FAM151A: variants seen among roughly 807,000 people sequenced by gnomAD.
FAM151A encodes the protein family with sequence similarity 151 member A, also known as protein FAM151A.
A neutral mutation model predicts 40.4 loss-of-function variants in FAM151A; 41 were observed. The ratio of observed to expected loss-of-function variants is 1.01; its 90% CI spans 0.79 to 1.32. The LOEUF (loss-of-function observed/expected upper bound fraction) is 1.32. Among genes scored for constraint, FAM151A ranks in the 40% most tolerant of loss-of-function variants. FAM151A has a pLI of 0.00. For synonymous variants in FAM151A, 337 were observed against 312.5 expected, an observed-to-expected ratio of 1.08 and a Z score of -0.83; for missense variants, 740 against 740.4, an observed-to-expected ratio of 1.00 and a Z score of 0.01.
Position 54,616,145 on chromosome 1 carries a change from A to T in FAM151A, c.290T>A (p.Val97Asp), listed in dbSNP as rs1298935180. 1 of 1,614,142 alleles carries T rather than the reference A, an allele frequency of 6.2e-7. No individual in the cohort carries two copies. Among genetic ancestry groups the T allele is most frequent in the East Asian group, 2.2e-5 (1 of 44,874 alleles). ...NSNITVLEAD[V>D]NVEGLGTANE... ...GGCTGTGCCGAGCCCTTCTACATTG[A>T]CGTCAGCCTCCAGGACTGTGATGTT... The change falls in exon 3 of 8, where the codon GTC becomes GAC. Residue 97 changes from valine (V) to aspartate (D), a missense_variant. Physicochemically the swap from Val to Asp is radical, Grantham distance 152. Transcript: ENST00000302250.
Position 54,623,398 on chromosome 1 carries a change from C to G in FAM151A, c.-3G>C. On this transcript the variant is annotated 5_prime_UTR_variant, in exon 1 of 8. Transcript: ENST00000302250. The stretch of plus-strand genomic sequence containing the variant: ...GATAACTGCTCCCTGCAGACCATGG[C>G]GACGCTCTCTGGGGAATGCCCCCAA... The G allele has an allele frequency of 6.2e-7, 1 of 1,611,410 alleles. No homozygotes were observed. The highest frequency in any genetic ancestry group is 8.5e-7 in the Non-Finnish European group (1 of 1,177,800).
intron 2 of FAM151A, among the ~76,000 whole-genome samples, chr1:54,617,945 T>G (rs976740317): frequency 1.1e-4 from 16 of 151,870 alleles, no homozygotes; most frequent in Non-Finnish European, 2.4e-4. Flanking sequence ...CAGCCTTGTC[T>G]CGAACTCCTG....
chr1:54,609,873 C>G lies in FAM151A; in HGVS notation c.1153G>C (p.Val385Leu). The change falls in exon 8 of 8, where the codon GTT becomes CTT. Residue 385 changes from valine (V) to leucine (L), a missense_variant. Coordinates refer to ENST00000302250, the MANE Select transcript of FAM151A (RefSeq NM_176782.3). ...AGGATGTTGCCACTTGGAGTATGAA[C>G]AATGGGCACGGGGTTTTCAGCCACA... ...GTVAENPVPI[V>L]HTPSGNILTL... 1 of 1,613,684 alleles carries G rather than the reference C, an allele frequency of 6.2e-7. No individual in the cohort carries two copies. Among genetic ancestry groups the G allele is most frequent in the East Asian group, 2.2e-5 (1 of 44,864 alleles).
Position 54,609,537 on chromosome 1 carries a change from T to TATGCTA in FAM151A, c.1488_1489insTAGCAT (p.Asp496_Met497insTer), listed in dbSNP as rs1644085985. ...CAGAGCCCCTGGCACAACTCTAGCA[T>TATGCTA]ATCTGTGAGCAGCTGTTCCCTGTAG... On this transcript the variant is annotated stop_gained and inframe_insertion, in exon 8 of 8. Transcript: ENST00000302250. LOFTEE classifies it low-confidence loss of function (END_TRUNC). The TATGCTA allele has an allele frequency of 6.2e-7, 1 of 1,612,986 alleles. No homozygotes were observed. Among genetic ancestry groups the TATGCTA allele is most frequent in the Non-Finnish European group, 8.5e-7 (1 of 1,180,024 alleles).
chr1:54,611,331 C>T (rs1451887091), intron 6 of FAM151A, among the ~76,000 whole-genome samples: 1 of 151,990 alleles, frequency 6.6e-6, no homozygotes, highest in South Asian at 2.1e-4. Flanking sequence ...ACCCAGGAGG[C>T]GGAGGTTACA....
rs74071868 is a variant in FAM151A at position 54,614,014 on chromosome 1, C to T, written c.575+686G>A. Among the ~76,000 whole-genome samples, 1,280 of 152,306 alleles carry T rather than the reference C, an allele frequency of 8.4e-3. 16 individuals carry two copies. The highest frequency in any genetic ancestry group is 0.03 in the African/African-American group (1,229 of 41,552). ...CTACCTCATTCTCATAAGAGTTAAA[C>T]GGTGTTCTGCAAGTCAAGTGCTTAA... On this transcript the variant is annotated intron_variant, in intron 4 of 7. Coordinates refer to ENST00000302250, the MANE Select transcript of FAM151A (RefSeq NM_176782.3).
chr1:54,609,967 T>A (rs201214706), intron 7 of FAM151A, 26 bp from the exon 8 acceptor site: 3 of 1,587,594 alleles, frequency 1.9e-6, no homozygotes, highest in African/African-American at 2.7e-5. Context: ...GAGGCAACAG[T>A]GTTTAGGATT....
chr1:54,616,274 A>G, intron 2 of FAM151A, 102 bp from the exon 3 acceptor site: 1 of 1,038,972 alleles, frequency 9.6e-7, no homozygotes, highest in Non-Finnish European at 1.4e-6. Flanking sequence ...TGAGAAATAC[A>G]GAAAAGTGGA....
rs1024035724 is a variant in FAM151A, at chr1:54,609,770, G to A, written c.1256C>T (p.Ala419Val). 6.2e-7 allele frequency: 1 copy of A among 1,614,152 alleles called. No homozygotes were observed. The highest frequency in any genetic ancestry group is 1.7e-5 in the Admixed American group (1 of 60,038). Residue 419 changes from alanine to valine, a missense_variant, in exon 8 of 8, where the codon GCA becomes GTA. Ala to Val is a moderately conservative substitution (Grantham distance 64). Coordinates refer to ENST00000302250, the MANE Select transcript of FAM151A (RefSeq NM_176782.3). ...WGIHLQIAEP[A>V]ALRPSLALLA... is the part of the protein sequence containing the mutation. ...CAAGGCCAGGGATGGCCGGAGGGCT[G>A]CGGGCTCCGCTATTTGCAAATGGAT...
intron 2 of FAM151A, among the ~76,000 whole-genome samples, chr1:54,618,752 G>A (rs1342150505): frequency 1.3e-5 from 2 of 152,164 alleles, no homozygotes; most frequent in Non-Finnish European, 2.9e-5. Flanking sequence ...GGAGCTCGCG[G>A]TGGCTGTGTG....
In FAM151A at chr1:54,609,756, A is replaced by G; in HGVS notation, c.1270T>C (p.Ser424Pro). 1 of 1,614,174 alleles carries G rather than the reference A, an allele frequency of 6.2e-7. No homozygotes were observed. Among genetic ancestry groups the G allele is most frequent in the Non-Finnish European group, 8.5e-7 (1 of 1,180,022 alleles). ...QIAEPAALRP[S>P]LALLARLSSL... Reference sequence around the variant, plus strand: ...GAGAGGCGTGCCAGCAAGGCCAGGGATGGCCGGAGGGCTGCGGGCTCCGCT... The same window carrying G: ...GAGAGGCGTGCCAGCAAGGCCAGGGGTGGCCGGAGGGCTGCGGGCTCCGCT... Residue 424 changes from serine to proline, a missense_variant, in exon 8 of 8, where the codon TCC becomes CCC. Ser to Pro is a moderately conservative substitution (Grantham distance 74). Transcript: ENST00000302250.
chr1:54,618,845 T>G (rs962947069), intron 2 of FAM151A, among the ~76,000 whole-genome samples: 18 of 151,828 alleles, frequency 1.2e-4, no homozygotes, highest in Non-Finnish European at 2.2e-4. Flanking sequence ...TTATTTGATC[T>G]TTTTTTGCCT....
In FAM151A at chr1:54,612,478, G is replaced by T. The variant is rs1294024633; in HGVS notation, c.800+8C>A. 2 of 1,610,904 alleles carry T rather than the reference G, an allele frequency of 1.2e-6. No homozygotes were observed. Among genetic ancestry groups the T allele is most frequent in the Non-Finnish European group, 1.7e-6 (2 of 1,177,548 alleles). On this transcript the variant is annotated splice_region_variant and intron_variant, in intron 5 of 7. Coordinates refer to ENST00000302250, the MANE Select transcript of FAM151A (RefSeq NM_176782.3). Reference sequence around the variant, plus strand: ...CAGGAGGGTGGGGGTGGGTTTGGTGGTTTTCACCTCTCAGATTGGCTCAGC... The same window carrying T: ...CAGGAGGGTGGGGGTGGGTTTGGTGTTTTTCACCTCTCAGATTGGCTCAGC...
In FAM151A at chr1:54,623,285, C is replaced by T; in HGVS notation, c.111G>A (p.Arg37=). The T allele has an allele frequency of 6.2e-7, 1 of 1,613,632 alleles. No individual in the cohort carries two copies. The highest frequency in any genetic ancestry group is 1.1e-5 in the South Asian group (1 of 91,064). ...IAAIVLAITL[R]RPGCELEACS... ...ATGGGGGGAGGCACCTACCTGGCCG[C>T]CGCAGGGTGATGGCAAGGACTATTG... The change falls in exon 1 of 8, where the codon CGG becomes CGA. Residue 37 remains arginine (R), a synonymous_variant. Coordinates refer to ENST00000302250, the MANE Select transcript of FAM151A (RefSeq NM_176782.3).
chr1:54,623,428 G>T lies in FAM151A; in HGVS notation c.-33C>A, dbSNP rs200643210. 87 of 1,545,866 alleles carry T rather than the reference G, an allele frequency of 5.6e-5. 2 individuals carry two copies. The highest frequency in any genetic ancestry group is 1.8e-4 in the South Asian group (16 of 88,838). Reference sequence around the variant, plus strand: ...CTCTCTGGGGAATGCCCCCAACTCCGTGCGGCCCAGAGTCCCTGAGGCTCC... The same window carrying T: ...CTCTCTGGGGAATGCCCCCAACTCCTTGCGGCCCAGAGTCCCTGAGGCTCC... On this transcript the variant is annotated 5_prime_UTR_variant, in exon 1 of 8. Coordinates refer to ENST00000302250, the MANE Select transcript of FAM151A (RefSeq NM_176782.3).
At position 54,619,940 on chromosome 1, in the gene FAM151A, G is replaced by A; in HGVS notation, c.186C>T (p.Ile62=). ...MLDYLLSLGQ[I]SRRDALEVTW... ...TGACCTCCAAGGCATCTCGCCGGCT[G>A]ATCTGGCCCAGGCTCAGCAGGTAGT... Residue 62 remains isoleucine (I), a synonymous_variant, in exon 2 of 8, where the codon ATC becomes ATT. Transcript: ENST00000302250. 1 of 1,614,188 alleles carries A rather than the reference G, an allele frequency of 6.2e-7. No homozygotes were observed. The highest frequency in any genetic ancestry group is 2.2e-5 in the East Asian group (1 of 44,882).
chr1:54,610,020 G>A lies in FAM151A; in HGVS notation c.1085-79C>T. The A allele has an allele frequency of 2.0e-6, 3 of 1,501,414 alleles. No homozygotes were observed. In the East Asian group the frequency reaches 7.0e-5, roughly 35 times the overall value. The allele number at this position is 1,501,414 out of a possible 1,614,324, so 93.0% of individuals were successfully genotyped here. On this transcript the variant is annotated intron_variant, in intron 7 of 7. Coordinates refer to ENST00000302250, the MANE Select transcript of FAM151A (RefSeq NM_176782.3). ...TTAAGAGTCCCTTGTTAAAGGGGCA[G>A]TGGGAGTTATGGGGTCATCAAGGAC...
chr1:54,621,109 G>T (rs1384196830), intron 1 of FAM151A, among the ~76,000 whole-genome samples: 1 of 151,148 alleles, frequency 6.6e-6, no homozygotes. Context: ...GCAGTGAGCC[G>T]GAGATCATGC....
In FAM151A at chr1:54,614,724, AT is replaced by A. The variant is rs2101018490; in HGVS notation, c.550del (p.Ile184SerfsTer79). On this transcript the variant is annotated frameshift_variant, in exon 4 of 8. Transcript: ENST00000302250. LOFTEE classifies it high-confidence loss of function. ...CTGTGTGGCATTGACCTCAGTTGAGATGAGCATGTTGGGGCCCTTTAAGATG... is the reference window on the plus strand; with the variant it reads ...CTGTGTGGCATTGACCTCAGTTGAGAGAGCATGTTGGGGCCCTTTAAGATG... ...ADILKGPNML[I>X]STEVNATQFL... The A allele has an allele frequency of 6.2e-7, 1 of 1,613,950 alleles. No individual in the cohort carries two copies. Among genetic ancestry groups the A allele is most frequent in the Non-Finnish European group, 8.5e-7 (1 of 1,179,934 alleles).
Sources: gnomAD v4.1 joint callset for allele counts (sites outside exome capture counted in the v4.1 genomes callset) on GRCh38, gnomAD v4.1.1 for gene constraint, MANE v1.5 for transcripts, NCBI Gene and HGNC (gene_info 2026-07-23, HGNC 2026-07-21) for gene names.